Variants in PTPRN2 observed in about 807,000 individuals in gnomAD.
PTPRN2 encodes the protein receptor-type tyrosine-protein phosphatase N2.
PTPRN2 carries 74 observed loss-of-function variants against 118.8 expected under a neutral mutation model. That is an observed-to-expected ratio of 0.62 (90% CI 0.52 to 0.76). The LOEUF (loss-of-function observed/expected upper bound fraction) is 0.76. Among genes scored for constraint, PTPRN2 ranks in the 30% least tolerant of loss-of-function variants. PTPRN2 has a pLI of 0.00. For synonymous variants in PTPRN2, 641 were observed against 608.0 expected (o/e 1.05, Z -0.80); for missense variants, 1,481 against 1,394.4 (o/e 1.06, Z -0.99).
intron 8 of PTPRN2, 91 bp from the exon 9 acceptor site, chr7:158,134,150 T>C: frequency 7.0e-7 from 1 of 1,431,084 alleles, no homozygotes; most frequent in South Asian, 1.4e-5. Context: ...AGAGTCACTG[T>C]GGGGATGACA....
rs1328687596 is a variant in PTPRN2, at chr7:158,015,128, A to G, written c.1723+66170T>C. 3.3e-5 allele frequency among the ~76,000 whole-genome samples: 5 copies of G among 152,168 alleles called. No individual in the cohort carries two copies. Among genetic ancestry groups the G allele is most frequent in the Non-Finnish European group, 5.9e-5 (4 of 68,038 alleles). Reference sequence around the variant, plus strand: ...GAGAGGCTCAGATAGAGCAGAGGGAAACAATTCAGCTCCAGATACCCAGGG... The same window carrying G: ...GAGAGGCTCAGATAGAGCAGAGGGAGACAATTCAGCTCCAGATACCCAGGG... On this transcript the variant is annotated intron_variant, in intron 11 of 22. Transcript: ENST00000389418. The surrounding 1 kb of genome is among the most constrained non-coding windows in gnomAD (Gnocchi z 4.2).
chr7:157,941,859 T>C (rs35988920), intron 11 of PTPRN2, among the ~76,000 whole-genome samples: 51,494 of 152,024 alleles, frequency 0.34, 9,950 homozygotes, highest in Non-Finnish European at 0.44. Flanking sequence ...CCTCACTGTG[T>C]GGCCAGGCTG....
intron 11 of PTPRN2, among the ~76,000 whole-genome samples, chr7:158,009,026 C>T (rs1002642472): frequency 6.6e-6 from 1 of 152,116 alleles, no homozygotes; most frequent in Non-Finnish European, 1.5e-5. Flanking sequence ...TCCCCGAGGT[C>T]ACTGCACTCA....
chr7:158,024,914 GA>G (rs1470074649), intron 11 of PTPRN2, among the ~76,000 whole-genome samples: 1 of 152,164 alleles, frequency 6.6e-6, no homozygotes, highest in Non-Finnish European at 1.5e-5. Flanking sequence ...AAAGAAAAAG[GA>G]AAACAGAAAC....
intron 2 of PTPRN2, among the ~76,000 whole-genome samples, chr7:158,488,798 GGAGCTGGGGAAA>G (rs1214068151): frequency 2.0e-5 from 3 of 152,282 alleles, no homozygotes; most frequent in Non-Finnish European, 4.4e-5. Flanking sequence ...AGATGCGCAG[GGAGCTGGGGAAA>G]GAGAAGGCCT....
At chr7:158,270,923 A>C (rs187157786) in intron 3 of PTPRN2, among the ~76,000 whole-genome samples, 8 of 2,922 alleles carry the variant, frequency 2.7e-3, no homozygotes, top group Admixed American at 5.3e-3. Context: ...CACCTGGACC[A>C]CCCCCCCCAC....
intron 11 of PTPRN2, chr7:158,030,360 T>G (rs998136938): frequency 4.6e-5 from 7 of 152,154 alleles, no homozygotes; most frequent in African/African-American, 1.7e-4. Flanking sequence ...AGAGCTGAGA[T>G]GGCTGCTCGG....
At chr7:158,476,130 G>A (rs1628557) in intron 2 of PTPRN2, among the ~76,000 whole-genome samples, 66,227 of 151,936 alleles carry the variant, frequency 0.44, 14,641 homozygotes, top group African/African-American at 0.45. Flanking sequence ...TCAGCCTCCC[G>A]AGTAGCTGAG....
At chr7:157,680,882 TAAAC>T (rs1238857414) in intron 13 of PTPRN2, among the ~76,000 whole-genome samples, 19 of 152,210 alleles carry the variant, frequency 1.2e-4, no homozygotes, top group Non-Finnish European at 2.5e-4. Context: ...AGATTCTTAT[TAAAC>T]AAACCGGAGC....
chr7:158,508,461 G>A (rs189901738), intron 1 of PTPRN2, among the ~76,000 whole-genome samples: 1 of 152,276 alleles, frequency 6.6e-6, no homozygotes, highest in Admixed American at 6.5e-5. Flanking sequence ...AACAGGGGAA[G>A]TCAGGGTCAG....
chr7:158,410,983 G>GAGACACAGGGA (rs1359056735), intron 2 of PTPRN2, among the ~76,000 whole-genome samples: 1 of 152,216 alleles, frequency 6.6e-6, no homozygotes, highest in Non-Finnish European at 1.5e-5. Flanking sequence ...CCCAGACATG[G>GAGACACAGGGA]AGCGTGAGTA....
chr7:157,760,290 T>A (rs73165830), intron 12 of PTPRN2, among the ~76,000 whole-genome samples: 11,389 of 151,884 alleles, frequency 0.075, 524 homozygotes, highest in African/African-American at 0.12. Context: ...CCCAGGAGTG[T>A]GACCCAGGAT....
chr7:158,283,862 A>T (rs1291949593), intron 3 of PTPRN2, among the ~76,000 whole-genome samples: 1 of 152,172 alleles, frequency 6.6e-6, no homozygotes, highest in Non-Finnish European at 1.5e-5. Flanking sequence ...GCACAGACCT[A>T]GAATCACCAC....
intron 6 of PTPRN2, among the ~76,000 whole-genome samples, chr7:158,144,661 G>A (rs1563503532): frequency 6.6e-6 from 1 of 152,038 alleles, no homozygotes; most frequent in African/African-American, 2.4e-5. Context: ...GGAGAAGGGG[G>A]ACATCAGCAG....
intron 11 of PTPRN2, among the ~76,000 whole-genome samples, chr7:158,027,079 T>C (rs1807328746): frequency 6.6e-6 from 1 of 152,084 alleles, no homozygotes; most frequent in African/African-American, 2.4e-5. Context: ...ACCAGGCAGG[T>C]CCGGGGTCCT....
chr7:158,366,434 C>T (rs927034665), intron 2 of PTPRN2, among the ~76,000 whole-genome samples: 4 of 151,114 alleles, frequency 2.6e-5, no homozygotes, highest in South Asian at 2.1e-4. Flanking sequence ...CCAATGCACG[C>T]GTGCACACGC....
chr7:158,131,661 AC>A (rs1363683163), intron 9 of PTPRN2, among the ~76,000 whole-genome samples: 4 of 151,628 alleles, frequency 2.6e-5, no homozygotes, highest in Admixed American at 2.6e-4. Context: ...ATACACACAA[AC>A]CGATACACAT....
intron 12 of PTPRN2, among the ~76,000 whole-genome samples, chr7:157,796,101 C>T (rs187224874): frequency 6.6e-6 from 1 of 152,360 alleles, no homozygotes; most frequent in East Asian, 1.9e-4. Flanking sequence ...CCACATCAAT[C>T]AGAGGGACCT....
At chr7:158,419,012 A>T (rs936699668) in intron 2 of PTPRN2, among the ~76,000 whole-genome samples, 1 of 152,246 alleles carries the variant, frequency 6.6e-6, no homozygotes, top group Non-Finnish European at 1.5e-5. Context: ...CCTATAAGTT[A>T]TTCCAGTGGC....
Sources: gnomAD v4.1 joint callset for allele counts (sites outside exome capture counted in the v4.1 genomes callset) on GRCh38, gnomAD v4.1.1 for gene constraint, Gnocchi (gnomAD v3.1) non-coding constraint, MANE v1.5 for transcripts, NCBI Gene and HGNC (gene_info 2026-07-23, HGNC 2026-07-21) for gene names.